Variants in CHRM3 observed in about 807,000 individuals in gnomAD.
CHRM3 encodes muscarinic acetylcholine receptor M3.
In CHRM3, 11 loss-of-function variants were observed where a neutral mutation model predicts 41.8. The ratio of observed to expected loss-of-function variants is 0.26; its 90% CI spans 0.17 to 0.44. The LOEUF (loss-of-function observed/expected upper bound fraction) is 0.44. Ranked by LOEUF, CHRM3 falls within the 20% of genes least tolerant of loss-of-function variation. The probability of loss-of-function intolerance (pLI) is 1.00; values close to 1 mark genes in which losing one functional copy is unlikely to be tolerated. For synonymous variants in CHRM3, 297 were observed against 301.4 expected, an observed-to-expected ratio of 0.99 and a Z score of 0.15; for missense variants, 571 against 745.4, an observed-to-expected ratio of 0.77 and a Z score of 2.72.
intron 2 of CHRM3, among the ~76,000 whole-genome samples, chr1:239,494,228 G>C (rs1667737695): frequency 6.6e-6 from 1 of 152,138 alleles, no homozygotes; most frequent in East Asian, 1.9e-4. Flanking sequence ...CATGATGCTA[G>C]TGGGAATGTT....
At chr1:239,667,946 GT>G (rs1573211829) in intron 4 of CHRM3, among the ~76,000 whole-genome samples, 2 of 151,988 alleles carry the variant, frequency 1.3e-5, no homozygotes, top group South Asian at 2.1e-4. Flanking sequence ...TGTAATAAGT[GT>G]TTTGTTTTAC....
chr1:239,575,040 A>G (rs375258573), intron 3 of CHRM3, among the ~76,000 whole-genome samples: 3 of 152,348 alleles, frequency 2.0e-5, no homozygotes, highest in East Asian at 1.9e-4. Context: ...GGTAGAATCT[A>G]TGTCCTGATT....
At chr1:239,603,050 C>T (rs7515851) in intron 3 of CHRM3, among the ~76,000 whole-genome samples, 4,489 of 152,094 alleles carry the variant, frequency 0.03, 243 homozygotes, top group African/African-American at 0.1. Flanking sequence ...ACCACCATTC[C>T]ACTTTCTGTT....
chr1:239,772,253 C>T (rs1468788062), intron 5 of CHRM3, among the ~76,000 whole-genome samples: 6 of 152,174 alleles, frequency 3.9e-5, no homozygotes, highest in African/African-American at 7.2e-5. Context: ...CGGGTTCAAG[C>T]GATTCTCTTG....
intron 3 of CHRM3, among the ~76,000 whole-genome samples, chr1:239,558,101 A>G (rs894894137): frequency 4.6e-5 from 7 of 152,220 alleles, no homozygotes; most frequent in African/African-American, 1.7e-4. Context: ...ACTCCTACCA[A>G]CAGTGCAAAA....
intron 3 of CHRM3, among the ~76,000 whole-genome samples, chr1:239,551,282 C>T (rs1659800125): frequency 6.6e-6 from 1 of 150,752 alleles, no homozygotes; most frequent in Non-Finnish European, 1.5e-5. Flanking sequence ...CCTGCCTCAG[C>T]CTCCCAAGTA....
chr1:239,398,926 C>T (rs1659723864), intron 1 of CHRM3, among the ~76,000 whole-genome samples: 1 of 151,210 alleles, frequency 6.6e-6, no homozygotes, highest in Admixed American at 6.6e-5. Flanking sequence ...ATTATACCCA[C>T]AAAAAAATGC....
intron 6 of CHRM3, among the ~76,000 whole-genome samples, chr1:239,903,518 C>T (rs1327304274): frequency 1.3e-5 from 2 of 152,170 alleles, no homozygotes; most frequent in African/African-American, 4.8e-5. Flanking sequence ...TTGACAAAGA[C>T]AGAACACCTT....
At chr1:239,517,219 T>C (rs9428474) in intron 2 of CHRM3, among the ~76,000 whole-genome samples, 87,229 of 152,018 alleles carry the variant, frequency 0.57, 25,370 homozygotes, top group Middle Eastern at 0.69. Context: ...GTATGTAAAT[T>C]TTGGCTTATA....
At chr1:239,404,410 A>AAGAAAGAAAGAAAGAG (rs1210507333) in intron 1 of CHRM3, among the ~76,000 whole-genome samples, 8 of 51,770 alleles carry the variant, frequency 1.5e-4, no homozygotes, top group East Asian at 7.9e-4. Flanking sequence ...GAAAGAAAGA[A>AAGAAAGAAAGAAAGAG]AAAGAAAGAA....
intron 5 of CHRM3, chr1:239,826,728 C>T (rs1364019272): frequency 6.6e-6 from 1 of 151,868 alleles, no homozygotes; most frequent in Non-Finnish European, 1.5e-5. Flanking sequence ...AAGCAATGTA[C>T]AAAATATGGA....
intron 1 of CHRM3, among the ~76,000 whole-genome samples, chr1:239,398,737 G>A (rs1392435264): frequency 6.6e-6 from 1 of 152,086 alleles, no homozygotes; most frequent in African/African-American, 2.4e-5. Flanking sequence ...TGCATTGGCT[G>A]CTAGGAAACT....
At chr1:239,528,245 A>AT (rs1248948025) in intron 2 of CHRM3, among the ~76,000 whole-genome samples, 1 of 152,152 alleles carries the variant, frequency 6.6e-6, no homozygotes, top group Admixed American at 6.5e-5. Flanking sequence ...AAGTCTTTAG[A>AT]TTTTTTCCTA....
chr1:239,393,856 T>A (rs940553217), intron 1 of CHRM3, among the ~76,000 whole-genome samples: 2 of 152,204 alleles, frequency 1.3e-5, no homozygotes, highest in Admixed American at 6.5e-5. Context: ...TGAGAGTATA[T>A]AAGTAAATAT....
At chr1:239,464,279 C>CAAA (rs748118542) in intron 1 of CHRM3, among the ~76,000 whole-genome samples, 2 of 72,820 alleles carry the variant, frequency 2.7e-5, no homozygotes, top group African/African-American at 9.4e-5. Flanking sequence ...GACCCTGTCT[C>CAAA]AAAAAAAAAA....
intron 1 of CHRM3, among the ~76,000 whole-genome samples, chr1:239,454,601 C>T (rs1664787532): frequency 1.3e-5 from 2 of 151,936 alleles, no homozygotes. Flanking sequence ...AAGTTCCAAT[C>T]TTCTAATCAC....
chr1:239,856,174 A>C (rs969948260), intron 6 of CHRM3, among the ~76,000 whole-genome samples: 1 of 152,162 alleles, frequency 6.6e-6, no homozygotes, highest in South Asian at 2.1e-4. Flanking sequence ...TTATTTGTAC[A>C]ACCATGAATC....
chr1:239,882,856 C>T lies in CHRM3; in HGVS notation c.-19-24577C>T, dbSNP rs559596562. ...GGCAGGGCACACTGGCTGCCCAGCA[C>T]GCAGTGGGTGTTCAATAAACCTATG... On this transcript the variant is annotated intron_variant, in intron 6 of 6. Coordinates refer to ENST00000676153, the MANE Select transcript of CHRM3 (RefSeq NM_001375978.1). 1.5e-4 allele frequency among the ~76,000 whole-genome samples: 23 copies of T among 152,300 alleles called. 1 individual carries two copies. The highest frequency in any genetic ancestry group is 5.2e-4 in the Admixed American group (8 of 15,304).
intron 4 of CHRM3, among the ~76,000 whole-genome samples, chr1:239,655,595 C>T (rs920136701): frequency 1.3e-5 from 2 of 152,172 alleles, no homozygotes; most frequent in African/African-American, 4.8e-5. Context: ...CCAGCTCTTT[C>T]TCTTAGTATA....
Sources: allele counts gnomAD v4.1 joint callset (sites outside exome capture counted in the v4.1 genomes callset), GRCh38; gene constraint gnomAD v4.1.1; transcripts MANE v1.5; gene names NCBI Gene and HGNC (gene_info 2026-07-23, HGNC 2026-07-21).